CALN1: variants seen among roughly 807,000 people sequenced by gnomAD.
CALN1 encodes the protein calcium-binding protein 8.
Under a neutral mutation model 30.6 loss-of-function variants are expected in CALN1, and 17 were observed. That is an observed-to-expected ratio of 0.56 (90% CI 0.38 to 0.83). The LOEUF (loss-of-function observed/expected upper bound fraction) is 0.83, where lower values mean the gene tolerates loss of function less well. Among genes scored for constraint, CALN1 ranks in the 40% least tolerant of loss-of-function variants. The pLI is 0.00. For synonymous variants in CALN1, 156 were observed against 131.4 expected (o/e 1.19, Z -1.28); for missense variants, 291 against 354.9 (o/e 0.82, Z 1.45).
the CALN1 span, among the ~76,000 whole-genome samples, chr7:72,501,992 T>A: frequency 7.6e-6 from 1 of 130,882 alleles, no homozygotes; most frequent in Non-Finnish European, 1.6e-5. Context: ...CATATATATA[T>A]AAATATATAT....
intron 4 of CALN1, among the ~76,000 whole-genome samples, chr7:72,027,609 G>A (rs892045922): frequency 3.3e-5 from 5 of 151,848 alleles, no homozygotes; most frequent in East Asian, 1.9e-4. Context: ...TACGTGGGAC[G>A]CAGAAGCAGG....
At chr7:72,160,606 A>G (rs1429687594) in intron 3 of CALN1, among the ~76,000 whole-genome samples, 1 of 152,104 alleles carries the variant, frequency 6.6e-6, no homozygotes, top group Admixed American at 6.5e-5. Context: ...TGCAACACTA[A>G]AGTAAGCCTC....
At chr7:72,395,346 T>TGC (rs1805853040) in intron 2 of CALN1, among the ~76,000 whole-genome samples, 1 of 105,544 alleles carries the variant, frequency 9.5e-6, no homozygotes, top group South Asian at 3.3e-4. Flanking sequence ...ACACACACGC[T>TGC]GCGCACGCGC....
chr7:72,404,466 T>C (rs1806566488), intron 1 of CALN1, among the ~76,000 whole-genome samples: 1 of 151,450 alleles, frequency 6.6e-6, no homozygotes, highest in East Asian at 1.9e-4. Flanking sequence ...GTTCAGAGAG[T>C]GTAAATGGAA....
At chr7:72,490,398 G>A in the CALN1 span, among the ~76,000 whole-genome samples, 1 of 152,214 alleles carries the variant, frequency 6.6e-6, no homozygotes, top group Non-Finnish European at 1.5e-5. Flanking sequence ...GAGTCAGGCA[G>A]ACGCGGATTT....
intron 5 of CALN1, among the ~76,000 whole-genome samples, chr7:71,961,567 T>C (rs912530227): frequency 2.6e-5 from 4 of 152,210 alleles, no homozygotes; most frequent in Non-Finnish European, 4.4e-5. Context: ...TGCAAACTTC[T>C]TTCTCTCACT....
chr7:72,163,562 T>C (rs912757228), intron 3 of CALN1, among the ~76,000 whole-genome samples: 7 of 152,130 alleles, frequency 4.6e-5, no homozygotes, highest in Admixed American at 2.6e-4. Flanking sequence ...GGTGACTAGA[T>C]GGAGAACCTC....
intron 3 of CALN1, among the ~76,000 whole-genome samples, chr7:72,203,559 G>A (rs1482110105): frequency 6.6e-6 from 1 of 152,040 alleles, no homozygotes; most frequent in Non-Finnish European, 1.5e-5. Context: ...CCAGAAACCA[G>A]AAACCATGCT....
At chr7:72,225,602 T>G (rs746176107) in intron 3 of CALN1, among the ~76,000 whole-genome samples, 3 of 152,034 alleles carry the variant, frequency 2.0e-5, no homozygotes, top group Non-Finnish European at 4.4e-5. Flanking sequence ...TATTCTATTT[T>G]AAAGCGAAGC....
intron 5 of CALN1, among the ~76,000 whole-genome samples, chr7:71,840,221 G>T (rs1174164968): frequency 6.6e-6 from 1 of 152,086 alleles, no homozygotes; most frequent in Non-Finnish European, 1.5e-5. Context: ...CCAACACTTT[G>T]GGAGGCTGAA....
chr7:72,159,032 T>C (rs189400493), intron 3 of CALN1, among the ~76,000 whole-genome samples: 14 of 152,100 alleles, frequency 9.2e-5, no homozygotes, highest in East Asian at 7.8e-4. Flanking sequence ...TTTATATTTT[T>C]AGTAGAGATG....
chr7:71,791,410 T>C (rs767946611), intron 6 of CALN1, among the ~76,000 whole-genome samples: 41 of 152,296 alleles, frequency 2.7e-4, no homozygotes, highest in Non-Finnish European at 2.8e-4. Context: ...GGAACATTAA[T>C]GGTGCTGGAG....
Position 71,810,320 on chromosome 7 carries a change from C to T in CALN1, c.658+16G>A, listed in dbSNP as rs765237322. ...CTGTCCCGGACCGGGGAGGGGATGG[C>T]AGCAGGGGCACCTACCTCCTTCAAA... is the stretch of plus-strand genomic sequence containing the variant. On this transcript the variant is annotated intron_variant, in intron 6 of 6. Coordinates refer to ENST00000395275, the MANE Select transcript of CALN1 (RefSeq NM_031468.4). The T allele has an allele frequency of 2.5e-6, 4 of 1,611,676 alleles. No homozygotes were observed. The East Asian group carries it at 6.7e-5, about 27-fold the overall frequency.
At chr7:72,053,334 T>C (rs147601726) in intron 4 of CALN1, among the ~76,000 whole-genome samples, 4 of 152,320 alleles carry the variant, frequency 2.6e-5, no homozygotes, top group Admixed American at 1.3e-4. Context: ...TGCAGATTCA[T>C]AGACACTCTG....
At chr7:72,451,937 G>A (rs973921191), upstream of CALN1, among the ~76,000 whole-genome samples, 1 of 152,090 alleles carries the variant, frequency 6.6e-6, no homozygotes, top group Non-Finnish European at 1.5e-5. Flanking sequence ...AGGAGGCTGA[G>A]ATGGGAAGAT....
rs1795190222 is a variant in CALN1, at chr7:72,246,749, A to T, written c.244+31937T>A. 3.0e-5 allele frequency among the ~76,000 whole-genome samples: 3 copies of T among 101,574 alleles called. No homozygotes were observed. In the South Asian group the frequency reaches 1.4e-3, roughly 47 times the overall value. The allele number at this position is 101,574 out of a possible 152,430, so 66.6% of individuals were successfully genotyped here. On this transcript the variant is annotated intron_variant, in intron 3 of 6. Transcript: ENST00000395275. Reference sequence around the variant, plus strand: ...GGCCAATGATCCTCATTCCTACCAGAACAATTTTTTTTTTTTTTTTTTGAG... The same window carrying T: ...GGCCAATGATCCTCATTCCTACCAGTACAATTTTTTTTTTTTTTTTTTGAG...
At chr7:72,412,384 G>C (rs983242706), upstream of CALN1, 3 of 152,110 alleles carry the variant, frequency 2.0e-5, no homozygotes, top group African/African-American at 7.2e-5. Context: ...ATTCAGCCCT[G>C]CCCATGTCCT....
intron 2 of CALN1, among the ~76,000 whole-genome samples, chr7:72,322,677 G>C (rs1645193597): frequency 6.6e-6 from 1 of 152,004 alleles, no homozygotes; most frequent in South Asian, 2.1e-4. Context: ...GGTAGTGGGG[G>C]AATGTGGGGG....
chr7:72,278,665 C>G, intron 3 of CALN1, 21 bp downstream of exon 3: 1 of 1,599,652 alleles, frequency 6.3e-7, no homozygotes. Flanking sequence ...GCCATCCCCC[C>G]AAACAGGGTA....
Sources: allele counts gnomAD v4.1 joint callset (sites outside exome capture counted in the v4.1 genomes callset), GRCh38; gene constraint gnomAD v4.1.1; transcripts MANE v1.5; gene names NCBI Gene and HGNC (gene_info 2026-07-23, HGNC 2026-07-21).